The following CGN variants were observed in gnomAD, a reference collection of about 807,000 sequenced individuals.
CGN encodes cingulin.
A neutral mutation model predicts 157.1 loss-of-function variants in CGN; 121 were observed. The ratio of observed to expected loss-of-function variants is 0.77; its 90% CI spans 0.66 to 0.90. The LOEUF is 0.90. Among genes scored for constraint, CGN ranks in the 40% least tolerant of loss-of-function variants. The pLI is 0.00. For synonymous variants in CGN, 535 were observed against 607.5 expected, an observed-to-expected ratio of 0.88 and a Z score of 1.76; for missense variants, 1,424 against 1,520.9, an observed-to-expected ratio of 0.94 and a Z score of 1.06.
chr1:151,527,195 T>C, intron 10 of CGN, 88 bp downstream of exon 10: 1 of 1,468,064 alleles, frequency 6.8e-7, no homozygotes, highest in Non-Finnish European at 9.5e-7. Flanking sequence ...CTAGTGGGGC[T>C]ATCTCCTGTG....
At position 151,518,778 on chromosome 1, in the gene CGN, G is replaced by T; in HGVS notation, c.259G>T (p.Asp87Tyr). Residue 87 changes from aspartate to tyrosine, a missense_variant, in exon 2 of 21, where the codon GAC (aspartate) becomes TAC (tyrosine). Physicochemically the swap from Asp to Tyr is radical, Grantham distance 160 (BLOSUM62 -3). Around this residue, in one of 3 missense-constraint regions of CGN, gnomAD observed 1,187 missense variants for 1,217.6 expected, o/e 0.97. Transcript: ENST00000271636. ...TGGGGTCCAAATCAAGGGGGCCAAT[G>T]ACCAAGGGGCCTCAGGAGCTCTGAG... ...SFGVQIKGAN[D>Y]QGASGALSSD... The T allele has an allele frequency of 1.2e-6, 2 of 1,614,104 alleles. No homozygotes were observed. Among genetic ancestry groups the T allele is most frequent in the Non-Finnish European group, 1.7e-6 (2 of 1,179,988 alleles).
intron 10 of CGN, 25 bp from the exon 11 acceptor site, chr1:151,529,325 C>A: frequency 6.2e-7 from 1 of 1,601,282 alleles, no homozygotes; most frequent in South Asian, 1.1e-5. Context: ...CTGGGTGCCC[C>A]ATCACCATTC....
chr1:151,512,885 C>T (rs1664332279), intron 1 of CGN, among the ~76,000 whole-genome samples: 1 of 152,202 alleles, frequency 6.6e-6, no homozygotes, highest in Non-Finnish European at 1.5e-5. Flanking sequence ...CCAGGCTGGC[C>T]TGCATGCCAT....
chr1:151,517,386 C>G (rs898977808), intron 1 of CGN, among the ~76,000 whole-genome samples: 2 of 151,998 alleles, frequency 1.3e-5, no homozygotes, highest in African/African-American at 4.8e-5. Context: ...TTGAGGTCTT[C>G]TATATTTTAA....
At chr1:151,530,433 G>T in intron 12 of CGN, 56 bp from the exon 13 acceptor site, 2 of 1,505,300 alleles carry the variant, frequency 1.3e-6, no homozygotes, top group South Asian at 2.7e-5. Context: ...ACCTCCAAAT[G>T]ACTTGAACCC....
chr1:151,519,653 C>T (rs190731321), intron 2 of CGN, among the ~76,000 whole-genome samples: 4 of 152,266 alleles, frequency 2.6e-5, no homozygotes. Context: ...ATTGCCACAA[C>T]CATTAACTAT....
At position 151,524,864 on chromosome 1, in the gene CGN, G is replaced by A; in HGVS notation, c.1592G>A (p.Arg531Lys). 6.2e-7 allele frequency: 1 copy of A among 1,611,682 alleles called. No individual in the cohort carries two copies. Among genetic ancestry groups the A allele is most frequent in the Non-Finnish European group, 8.5e-7 (1 of 1,179,846 alleles). ...QYQRDTEQLR[R>K]SMQDATQDHA... ...CAGCGAGACACAGAGCAGCTCCGCAGGAGCATGCAAGATGCAACCCAGGCA... is the reference window on the plus strand; with the variant it reads ...CAGCGAGACACAGAGCAGCTCCGCAAGAGCATGCAAGATGCAACCCAGGCA... The change falls in exon 8 of 21, where the codon AGG becomes AAG. Residue 531 changes from arginine to lysine, a missense_variant. By Grantham distance (26) the Arg-to-Lys change is conservative. Coordinates refer to ENST00000271636, the MANE Select transcript of CGN (RefSeq NM_020770.3). The surrounding 1 kb of genome is among the most constrained non-coding windows in gnomAD (Gnocchi z 4.4).
At chr1:151,522,874 A>G (rs1309978792) in intron 5 of CGN, among the ~76,000 whole-genome samples, 3 of 151,806 alleles carry the variant, frequency 2.0e-5, no homozygotes. Context: ...AGATCTCGCC[A>G]TTGCACTCCA....
chr1:151,535,623 C>T lies in CGN; in HGVS notation c.3018C>T (p.Leu1006=). ...AGGTGGATCAGCTGAGGACAGAGCT[C>T]ATGCAGGAAAGGTCTGCTCGGCAGG... ...RDQVDQLRTE[L]MQERSARQDL... Residue 1006 remains leucine (L), a synonymous_variant, in exon 17 of 21, where the codon CTC becomes CTT. Transcript: ENST00000271636. 3 of 1,614,024 alleles carry T rather than the reference C, an allele frequency of 1.9e-6. No homozygotes were observed. The highest frequency in any genetic ancestry group is 2.5e-6 in the Non-Finnish European group (3 of 1,179,970).
rs988490226 is a variant in CGN, at chr1:151,532,405, G to A, written c.2575G>A (p.Glu859Lys). Residue 859 changes from glutamate (E) to lysine (K), a missense_variant, in exon 14 of 21, where the codon GAG (glutamate) becomes AAG (lysine). Glu to Lys is a moderately conservative substitution (Grantham distance 56, BLOSUM62 1). Coordinates refer to ENST00000271636, the MANE Select transcript of CGN (RefSeq NM_020770.3). Reference sequence around the variant, plus strand: ...GACCCTTTTCTCTGTGTTTCAGTTGGAGAAGATCGGGGAGGACTCTAAGCA... The same window carrying A: ...GACCCTTTTCTCTGTGTTTCAGTTGAAGAAGATCGGGGAGGACTCTAAGCA... ...RTVDRLNKELEKIGEDSKQAL... is the reference protein window; with the variant it reads ...RTVDRLNKELKKIGEDSKQAL... 12 of 1,557,940 alleles carry A rather than the reference G, an allele frequency of 7.7e-6. No homozygotes were observed. The African/African-American group carries it at 1.5e-4, about 20-fold the overall frequency.
intron 3 of CGN, 55 bp downstream of exon 3, chr1:151,520,321 G>A: frequency 1.9e-6 from 3 of 1,572,200 alleles, no homozygotes; most frequent in Non-Finnish European, 2.6e-6. Flanking sequence ...TTTTCTTCTA[G>A]CTTTGTTTCC....
Position 151,526,181 on chromosome 1 carries a change from CTTT to C in CGN, c.1763+404_1763+406del, listed in dbSNP as rs10570307. ...GCCGCTGCGCCTGGCCCCCTTTCTC[CTTT>C]TTTTTTTTTTTTGAGATGGAGTCAC... On this transcript the variant is annotated intron_variant, in intron 9 of 20. Transcript: ENST00000271636. 4.5e-3 allele frequency among the ~76,000 whole-genome samples: 627 copies of C among 139,002 alleles called. 5 individuals carry two copies. The highest frequency in any genetic ancestry group is 0.014 in the African/African-American group (549 of 37,970). The allele number at this position is 139,002 out of a possible 152,430, so 91.2% of individuals were successfully genotyped here.
chr1:151,534,079 G>A lies in CGN; in HGVS notation c.2847G>A (p.Glu949=). 6.2e-7 allele frequency: 1 copy of A among 1,613,286 alleles called. No homozygotes were observed. The highest frequency in any genetic ancestry group is 8.5e-7 in the Non-Finnish European group (1 of 1,179,666). The change falls in exon 15 of 21, where the codon GAG becomes GAA. Residue 949 remains glutamate (E), a synonymous_variant. Transcript: ENST00000271636. ...LAQRLQGLEQ[E]AENKKRSQDD... ...AGCGACTGCAGGGGCTGGAGCAAGA[G>A]GCAGAGAACAAGAAGCGTTCCCAGG...
Position 151,527,069 on chromosome 1 carries a change from A to C in CGN, c.1858A>C (p.Ser620Arg). The change falls in exon 10 of 21, where the codon AGT becomes CGT. Residue 620 changes from serine (S) to arginine (R), a missense_variant. Ser to Arg is a moderately radical substitution (Grantham distance 110). Around this residue, in one of 3 missense-constraint regions of CGN, gnomAD observed 1,187 missense variants for 1,217.6 expected, o/e 0.97. Coordinates refer to ENST00000271636, the MANE Select transcript of CGN (RefSeq NM_020770.3). ...LQRELEQARA[S>R]AGDTRQVEVL... is the part of the protein sequence containing the mutation. ...GAGGGAATTAGAGCAGGCCCGAGCT[A>C]GTGCTGGAGATACTCGCCAGGTTGA... The C allele has an allele frequency of 6.2e-7, 1 of 1,614,162 alleles. No individual in the cohort carries two copies. The highest frequency in any genetic ancestry group is 8.5e-7 in the Non-Finnish European group (1 of 1,180,034).
In CGN at chr1:151,530,713, G is replaced by T; in HGVS notation, c.2538G>T (p.Leu846Phe). ...CTGAGCTGGAGGAGCAGAAGCGTTT[G>T]CTGGACAGGACTGTGGACCGACTGA... ...GKAELEEQKR[L>F]LDRTVDRLNK... is the part of the protein sequence containing the mutation. The change falls in exon 13 of 21, where the codon TTG becomes TTT. Residue 846 changes from leucine to phenylalanine, a missense_variant. Transcript: ENST00000271636. 1 of 1,553,866 alleles carries T rather than the reference G, an allele frequency of 6.4e-7. No homozygotes were observed.
chr1:151,523,349 G>A, intron 5 of CGN, 85 bp from the exon 6 acceptor site: 1 of 1,287,074 alleles, frequency 7.8e-7, no homozygotes, highest in South Asian at 1.5e-5. Context: ...AGTGTCCAAT[G>A]AGTGTTAGAC....
rs115192275 is a variant in CGN at position 151,520,436 on chromosome 1, G to A, written c.997G>A (p.Val333Met). 130 of 1,614,154 alleles carry A rather than the reference G, an allele frequency of 8.1e-5. No individual in the cohort carries two copies. The highest frequency in any genetic ancestry group is 1.1e-4 in the Non-Finnish European group (127 of 1,180,010). ...REGSSESETS[V>M]RRKVSLVLEK... ...TAGAAGCTCAGAAAGTGAAACCTCT[G>A]TGAGGAGGAAGGTTAGTTTGGTGCT... is the stretch of plus-strand genomic sequence containing the variant. The change falls in exon 4 of 21, where the codon GTG becomes ATG. Residue 333 changes from valine (V) to methionine (M), a missense_variant. Around this residue, in one of 3 missense-constraint regions of CGN, gnomAD observed 1,187 missense variants for 1,217.6 expected, o/e 0.97. Coordinates refer to ENST00000271636, the MANE Select transcript of CGN (RefSeq NM_020770.3).
Position 151,520,693 on chromosome 1 carries a change from TAAGGA to T in CGN, c.1140+7_1140+11del, listed in dbSNP as rs1465127190. On this transcript the variant is annotated splice_donor_5th_base_variant and intron_variant, in intron 5 of 20. Transcript: ENST00000271636. ...CGAAAGCTGGATGAAGAGGTGAAGGTAAGGAAAGGTTAGAGGTGCCGGAGGCATGA... is the reference window on the plus strand; with the variant it reads ...CGAAAGCTGGATGAAGAGGTGAAGGTAAGGTTAGAGGTGCCGGAGGCATGA... 1 of 1,611,880 alleles carries T rather than the reference TAAGGA, an allele frequency of 6.2e-7. No individual in the cohort carries two copies. Among genetic ancestry groups the T allele is most frequent in the Non-Finnish European group, 8.5e-7 (1 of 1,178,850 alleles).
chr1:151,528,967 G>C (rs2102497966), intron 10 of CGN, among the ~76,000 whole-genome samples: 1 of 152,296 alleles, frequency 6.6e-6, no homozygotes, highest in African/African-American at 2.4e-5. Context: ...CCATGTGGTA[G>C]CAAGTATGAG....
Sources: gnomAD v4.1 joint callset for allele counts (sites outside exome capture counted in the v4.1 genomes callset) on GRCh38, gnomAD v4.1.1 for gene constraint, gnomAD v4.1.1 regional missense constraint, Gnocchi (gnomAD v3.1) non-coding constraint, MANE v1.5 for transcripts, NCBI Gene and HGNC (gene_info 2026-07-23, HGNC 2026-07-21) for gene names.